Variants in MMS22L observed in about 807,000 individuals in gnomAD.
MMS22L encodes the protein protein MMS22-like.
MMS22L carries 74 observed loss-of-function variants against 159.1 expected under a neutral mutation model. That is an observed-to-expected ratio of 0.47 (90% CI 0.39 to 0.56). The LOEUF (loss-of-function observed/expected upper bound fraction) is 0.56, where lower values mean the gene tolerates loss of function less well. Among genes scored for constraint, MMS22L ranks in the 20% least tolerant of loss-of-function variants. MMS22L has a pLI of 0.00. For missense variants in MMS22L, 1,351 were observed against 1,422.1 expected (o/e 0.95, Z 0.80); for synonymous variants, 517 against 506.9 (o/e 1.02, Z -0.27).
chr6:97,200,168 G>A (rs1275444591), intron 14 of MMS22L, among the ~76,000 whole-genome samples: 1 of 152,044 alleles, frequency 6.6e-6, no homozygotes, highest in African/African-American at 2.4e-5. Flanking sequence ...ACATGTTTAA[G>A]ATCAATTATG....
intron 11 of MMS22L, chr6:97,245,882 C>T (rs1812575326): frequency 5.1e-6 from 1 of 197,540 alleles, no homozygotes; most frequent in East Asian, 1.3e-4. Context: ...CACACACACA[C>T]ACACACACAT....
intron 10 of MMS22L, among the ~76,000 whole-genome samples, chr6:97,249,549 T>C (rs1232196904): frequency 2.0e-5 from 3 of 152,142 alleles, no homozygotes; most frequent in African/African-American, 7.2e-5. Flanking sequence ...ATACTGTATG[T>C]CTACTGTGTT....
chr6:97,282,303 G>GT lies in MMS22L; in HGVS notation c.164+10dup. 6.2e-7 allele frequency: 1 copy of GT among 1,613,024 alleles called. No individual in the cohort carries two copies. Among genetic ancestry groups the GT allele is most frequent in the Non-Finnish European group, 8.5e-7 (1 of 1,179,510 alleles). ...ATCAGATGAGGGAAAATGTCTCTGAGTTTTACCTACCGCTTAAGGGCTCCG... is the reference window on the plus strand; with the variant it reads ...ATCAGATGAGGGAAAATGTCTCTGAGTTTTTACCTACCGCTTAAGGGCTCCG... On this transcript the variant is annotated intron_variant, in intron 2 of 24. Coordinates refer to ENST00000683635, the MANE Select transcript of MMS22L (RefSeq NM_001350599.2).
chr6:97,238,259 G>A (rs1023999264), intron 11 of MMS22L, among the ~76,000 whole-genome samples: 1 of 152,196 alleles, frequency 6.6e-6, no homozygotes, highest in Non-Finnish European at 1.5e-5. Flanking sequence ...GATAGCTATC[G>A]TTTTGTTATC....
intron 15 of MMS22L, among the ~76,000 whole-genome samples, chr6:97,183,095 A>G (rs1186359034): frequency 1.3e-5 from 2 of 152,204 alleles, no homozygotes; most frequent in East Asian, 3.9e-4. Flanking sequence ...CAGTAACTAC[A>G]ATCTCAGTAA....
chr6:97,179,552 A>G lies in MMS22L; in HGVS notation c.2392T>C (p.Cys798Arg). ...TAGCCTGAATGAGAAAGTGCTTCACATAATGTGCTGTAGAAACAAATTGAC... is the reference window on the plus strand; with the variant it reads ...TAGCCTGAATGAGAAAGTGCTTCACGTAATGTGCTGTAGAAACAAATTGAC... ...LSHVLQNSTL[C>R]EALSHSGYVS... The change falls in exon 17 of 25, where the codon TGT becomes CGT. Residue 798 changes from cysteine (C) to arginine (R), a missense_variant. Physicochemically the swap from Cys to Arg is radical, Grantham distance 180. Coordinates refer to ENST00000683635, the MANE Select transcript of MMS22L (RefSeq NM_001350599.2). 1 of 1,607,984 alleles carries G rather than the reference A, an allele frequency of 6.2e-7. No individual in the cohort carries two copies. Among genetic ancestry groups the G allele is most frequent in the Non-Finnish European group, 8.5e-7 (1 of 1,177,614 alleles).
At chr6:97,151,988 TC>T (rs1452757514) in intron 22 of MMS22L, 121 bp from the exon 23 acceptor site, 2 of 659,080 alleles carry the variant, frequency 3.0e-6, no homozygotes, top group Admixed American at 6.1e-5. Context: ...ACATCCTTTT[TC>T]TATTTTTCAA....
At position 97,277,499 on chromosome 6, in the gene MMS22L, T is replaced by C. The variant is rs75180653; in HGVS notation, c.340+1350A>G. On this transcript the variant is annotated intron_variant, in intron 4 of 24. Coordinates refer to ENST00000683635, the MANE Select transcript of MMS22L (RefSeq NM_001350599.2). ...GACAAAAACAAAACCTCTGTAACCA[T>C]GTCTGAATACAAAACATGGCACTAT... 4.6e-5 allele frequency among the ~76,000 whole-genome samples: 7 copies of C among 152,154 alleles called. No individual in the cohort carries two copies. In the East Asian group the frequency reaches 1.2e-3, roughly 25 times the overall value.
intron 11 of MMS22L, among the ~76,000 whole-genome samples, chr6:97,236,453 A>G (rs991756406): frequency 2.6e-5 from 4 of 152,164 alleles, no homozygotes; most frequent in African/African-American, 7.2e-5. Flanking sequence ...CAATCATCTT[A>G]GTAAAAATGA....
intron 19 of MMS22L, among the ~76,000 whole-genome samples, chr6:97,170,531 A>T (rs1418627048): frequency 6.6e-6 from 1 of 152,048 alleles, no homozygotes; most frequent in African/African-American, 2.4e-5. Flanking sequence ...ATACAAAAAA[A>T]TTTAATACAA....
intron 18 of MMS22L, among the ~76,000 whole-genome samples, chr6:97,177,908 CAT>C (rs1172360129): frequency 1.3e-5 from 2 of 152,118 alleles, no homozygotes; most frequent in Non-Finnish European, 2.9e-5. Context: ...AACACTCTCA[CAT>C]AGATAAATTT....
chr6:97,216,879 G>A (rs1019742873), intron 14 of MMS22L, among the ~76,000 whole-genome samples: 3 of 152,216 alleles, frequency 2.0e-5, no homozygotes, highest in Admixed American at 2.0e-4. Context: ...AAATATTCCA[G>A]TGGCTGGTAA....
chr6:97,252,812 G>A (rs9320484), intron 10 of MMS22L, among the ~76,000 whole-genome samples: 23 of 152,054 alleles, frequency 1.5e-4, no homozygotes, highest in African/African-American at 4.8e-4. Context: ...AAGTTGGAGA[G>A]GAAGAAAAAT....
intron 11 of MMS22L, among the ~76,000 whole-genome samples, chr6:97,235,109 GGGGTTAAGAAGAGATGCA>G (rs1811258185): frequency 6.6e-6 from 1 of 152,150 alleles, no homozygotes; most frequent in Non-Finnish European, 1.5e-5. Context: ...AGTGAATAGA[GGGGTTAAGAAGAGATGCA>G]GGGAGACCAG....
chr6:97,249,422 T>G (rs1424722333), intron 10 of MMS22L, among the ~76,000 whole-genome samples: 1 of 152,214 alleles, frequency 6.6e-6, no homozygotes, highest in Non-Finnish European at 1.5e-5. Context: ...TAAGGTCGTT[T>G]TGGGAACCCT....
chr6:97,257,905 T>C (rs1158544411), intron 9 of MMS22L, among the ~76,000 whole-genome samples: 1 of 152,222 alleles, frequency 6.6e-6, no homozygotes, highest in Non-Finnish European at 1.5e-5. Flanking sequence ...ACTATGTAAA[T>C]GTGCTGTTTT....
intron 11 of MMS22L, among the ~76,000 whole-genome samples, chr6:97,245,740 T>C (rs988206057): frequency 6.6e-6 from 1 of 152,052 alleles, no homozygotes; most frequent in Non-Finnish European, 1.5e-5. Flanking sequence ...ATGTGATTCA[T>C]ATTATAACTA....
At chr6:97,268,481 T>C (rs375014507) in intron 7 of MMS22L, among the ~76,000 whole-genome samples, 3 of 151,970 alleles carry the variant, frequency 2.0e-5, no homozygotes, top group South Asian at 2.1e-4. Flanking sequence ...AGCCACCACG[T>C]CCAGCCCAAA....
In MMS22L at chr6:97,185,625, C is replaced by T. The variant is rs982549747; in HGVS notation, c.2233+872G>A. On this transcript the variant is annotated intron_variant, in intron 15 of 24. Transcript: ENST00000683635. ...CTGTCACAATTCTTTAATCTATCAT[C>T]GTAAAGTCCTAATTATAGAAGTGTT... Among the ~76,000 whole-genome samples, 6 of 152,094 alleles carry T rather than the reference C, an allele frequency of 3.9e-5. No homozygotes were observed. In the South Asian group the frequency reaches 8.3e-4, roughly 21 times the overall value.
Sources: allele counts gnomAD v4.1 joint callset (sites outside exome capture counted in the v4.1 genomes callset), GRCh38; gene constraint gnomAD v4.1.1; transcripts MANE v1.5; gene names NCBI Gene and HGNC (gene_info 2026-07-23, HGNC 2026-07-21).